Variants in SGTB observed in about 807,000 individuals in gnomAD.
The protein encoded by SGTB is small glutamine rich tetratricopeptide repeat co-chaperone beta.
In SGTB, 19 loss-of-function variants were observed where a neutral mutation model predicts 43.9. The ratio of observed to expected loss-of-function variants is 0.43; its 90% CI spans 0.30 to 0.63. The LOEUF is 0.63. Among genes scored for constraint, SGTB ranks in the 30% least tolerant of loss-of-function variants. The probability of loss-of-function intolerance (pLI) is 0.12; values close to 1 mark genes in which losing one functional copy is unlikely to be tolerated. For synonymous variants in SGTB, 116 were observed against 117.3 expected (o/e 0.99, Z 0.07); for missense variants, 304 against 358.9 (o/e 0.85, Z 1.24).
intron 5 of SGTB, among the ~76,000 whole-genome samples, chr5:65,696,448 G>GT (rs1205716636): frequency 1.3e-5 from 2 of 152,194 alleles, no homozygotes; most frequent in African/African-American, 2.4e-5. Flanking sequence ...ACTTGGTGGT[G>GT]TTTTAGACCT....
chr5:65,698,795 A>C (rs763081939), intron 5 of SGTB, among the ~76,000 whole-genome samples: 5 of 152,156 alleles, frequency 3.3e-5, no homozygotes, highest in Admixed American at 1.3e-4. Context: ...CAACATCACT[A>C]ATTTTCAGGG....
At chr5:65,709,736 T>TA (rs1431791414) in intron 3 of SGTB, among the ~76,000 whole-genome samples, 2 of 152,112 alleles carry the variant, frequency 1.3e-5, no homozygotes, top group Non-Finnish European at 1.5e-5. Context: ...AAGTTGGGGC[T>TA]AGTGTGGTGA....
chr5:65,720,060 A>G (rs953005893), intron 2 of SGTB, among the ~76,000 whole-genome samples: 3 of 145,966 alleles, frequency 2.1e-5, no homozygotes, highest in Non-Finnish European at 3.0e-5. Flanking sequence ...TGCTTACGCT[A>G]TTTGGTTTCA....
At chr5:65,677,275 C>A (rs560752699) in intron 8 of SGTB, among the ~76,000 whole-genome samples, 5 of 151,084 alleles carry the variant, frequency 3.3e-5, no homozygotes, top group Non-Finnish European at 7.4e-5. Flanking sequence ...CAAGACTGAA[C>A]CAGGAAGAAA....
intron 4 of SGTB, among the ~76,000 whole-genome samples, chr5:65,707,395 TACACACACACACACACACACACACACAC>T (rs35011866): frequency 7.5e-6 from 1 of 133,658 alleles, no homozygotes; most frequent in Non-Finnish European, 1.6e-5. Context: ...GCTGATTTTA[TACACACACACACACACACACACACACAC>T]ACACACACAC....
chr5:65,676,178 T>A (rs965809264), intron 8 of SGTB, among the ~76,000 whole-genome samples: 32 of 152,058 alleles, frequency 2.1e-4, no homozygotes, highest in African/African-American at 7.7e-4. Flanking sequence ...AAAAAAGCAG[T>A]GGTCGCAATC....
chr5:65,671,860 T>C (rs1475516750), intron 10 of SGTB, 55 bp downstream of exon 10: 5 of 1,511,164 alleles, frequency 3.3e-6, no homozygotes, highest in Non-Finnish European at 4.5e-6. Flanking sequence ...ACCATAGAGA[T>C]AGGCTGTAAA....
In SGTB at chr5:65,704,262, C is replaced by T. The variant is rs763888010; in HGVS notation, c.374+17G>A. ...ATGTTTAAGAATTGCAAACCTGCCA[C>T]AATAGTGCTAGTTTACCTGTTGCAA... On this transcript the variant is annotated intron_variant, in intron 5 of 10. Transcript: ENST00000381007. 62 of 1,552,216 alleles carry T rather than the reference C, an allele frequency of 4.0e-5. No homozygotes were observed. The highest frequency in any genetic ancestry group is 6.9e-5 in the African/African-American group (5 of 72,736).
chr5:65,715,212 T>G (rs911041231), intron 2 of SGTB, among the ~76,000 whole-genome samples: 1 of 152,250 alleles, frequency 6.6e-6, no homozygotes, highest in African/African-American at 2.4e-5. Flanking sequence ...TTTAGAAGAA[T>G]CTATTCCTAT....
chr5:65,722,082 C>A lies in SGTB; in HGVS notation c.-188G>T, dbSNP rs189429786. 7 of 166,118 alleles carry A rather than the reference C, an allele frequency of 4.2e-5. No homozygotes were observed. Among genetic ancestry groups the A allele is most frequent in the Non-Finnish European group, 7.7e-5 (6 of 77,576 alleles). The allele number at this position is 166,118 out of a possible 1,614,324, so 10.3% of individuals were successfully genotyped here. On this transcript the variant is annotated 5_prime_UTR_variant, in exon 1 of 11. Transcript: ENST00000381007. Reference sequence around the variant, plus strand: ...GCCGTAGACCCCAGAACCCACCAGGCTGTGCTCTCTCTCAGGCGGCAGGGT... The same window carrying A: ...GCCGTAGACCCCAGAACCCACCAGGATGTGCTCTCTCTCAGGCGGCAGGGT...
In SGTB at chr5:65,720,206, T is replaced by C. The variant is rs577438175; in HGVS notation, c.100+502A>G. ...AAGCCACCCTCCTATCTCAGCCTCC[T>C]GAGTAGCTGGGACTACAGGCAAGTG... is the stretch of plus-strand genomic sequence containing the variant. On this transcript the variant is annotated intron_variant, in intron 2 of 10. Transcript: ENST00000381007. Among the ~76,000 whole-genome samples, 43 of 151,726 alleles carry C rather than the reference T, an allele frequency of 2.8e-4. No homozygotes were observed. The South Asian group carries it at 6.0e-3, about 21-fold the overall frequency.
chr5:65,692,368 T>C (rs923051181), intron 5 of SGTB, among the ~76,000 whole-genome samples: 2 of 152,162 alleles, frequency 1.3e-5, no homozygotes, highest in Non-Finnish European at 2.9e-5. Context: ...AAAGGAACAA[T>C]AGATCTGGTG....
At chr5:65,715,961 A>C (rs939544670) in intron 2 of SGTB, among the ~76,000 whole-genome samples, 3 of 152,000 alleles carry the variant, frequency 2.0e-5, no homozygotes, top group African/African-American at 7.2e-5. Context: ...GTAGAGAGGG[A>C]GTTTCACCAT....
intron 6 of SGTB, 51 bp downstream of exon 6, chr5:65,685,317 A>G (rs749629565): frequency 1.3e-6 from 2 of 1,513,260 alleles, no homozygotes; most frequent in Admixed American, 1.7e-5. Context: ...CATTAAGAAC[A>G]GCATACCTGA....
chr5:65,691,466 G>A (rs1029715776), intron 5 of SGTB, among the ~76,000 whole-genome samples: 3 of 151,864 alleles, frequency 2.0e-5, no homozygotes, highest in Non-Finnish European at 4.4e-5. Flanking sequence ...TGTCTCCCAG[G>A]CTGGAGTGCA....
At chr5:65,721,606 C>G (rs914561507) in intron 1 of SGTB, among the ~76,000 whole-genome samples, 2 of 152,170 alleles carry the variant, frequency 1.3e-5, no homozygotes, top group African/African-American at 4.8e-5. Flanking sequence ...GGGTGTGGTA[C>G]CCGCCGCTAT....
intron 5 of SGTB, among the ~76,000 whole-genome samples, chr5:65,697,425 A>C (rs1268335332): frequency 6.6e-6 from 1 of 152,232 alleles, no homozygotes; most frequent in Non-Finnish European, 1.5e-5. Context: ...CCATATTTAT[A>C]CTTAAAAGTA....
intron 4 of SGTB, 22 bp downstream of exon 4, chr5:65,708,467 C>A: frequency 6.2e-7 from 1 of 1,603,826 alleles, no homozygotes; most frequent in South Asian, 1.1e-5. Context: ...CTAAGTAAGT[C>A]ATTTTTGTAT....
chr5:65,703,276 A>G (rs974621457), intron 5 of SGTB, among the ~76,000 whole-genome samples: 2 of 152,254 alleles, frequency 1.3e-5, no homozygotes, highest in East Asian at 1.9e-4. Context: ...CCACAATGAT[A>G]GGTGCTGGAA....
Sources: gnomAD v4.1 joint callset for allele counts (sites outside exome capture counted in the v4.1 genomes callset) on GRCh38, gnomAD v4.1.1 for gene constraint, MANE v1.5 for transcripts, NCBI Gene and HGNC (gene_info 2026-07-23, HGNC 2026-07-21) for gene names.